Variants in LRRC18 observed in about 807,000 individuals in gnomAD.
LRRC18 encodes the protein leucine-rich repeat-containing protein 18.
A neutral mutation model predicts 11.2 loss-of-function variants in LRRC18; 12 were observed. The observed-to-expected ratio is 1.07, with a 90% CI of 0.69 to 1.74. LRRC18 has a LOEUF of 1.74. Among genes scored for constraint, LRRC18 ranks in the 40% most tolerant of loss-of-function variants. The probability of loss-of-function intolerance (pLI) is 0.00; values close to 1 mark genes in which losing one functional copy is unlikely to be tolerated. For missense variants in LRRC18, 374 were observed against 330.5 expected (o/e 1.13, Z -1.02); for synonymous variants, 155 against 130.6 (o/e 1.19, Z -1.27).
chr10:48,915,958 G>T (rs925182855), upstream of LRRC18, among the ~76,000 whole-genome samples: 1 of 152,192 alleles, frequency 6.6e-6, no homozygotes, highest in African/African-American at 2.4e-5. Flanking sequence ...TCAGCTCTGA[G>T]AAACCAGATA....
chr10:48,924,551 TC>T, the LRRC18 span, among the ~76,000 whole-genome samples: 1 of 152,234 alleles, frequency 6.6e-6, no homozygotes, highest in South Asian at 2.1e-4. Flanking sequence ...AGATTTCATT[TC>T]ACATGAACAG....
At chr10:48,938,561 G>A in the LRRC18 span, among the ~76,000 whole-genome samples, 13 of 152,230 alleles carry the variant, frequency 8.5e-5, no homozygotes, top group Admixed American at 7.9e-4. Context: ...TGGTTTCAGG[G>A]TAGGGTGGAG....
the LRRC18 span, among the ~76,000 whole-genome samples, chr10:48,937,082 C>T: frequency 2.0e-5 from 3 of 151,838 alleles, no homozygotes; most frequent in Admixed American, 6.6e-5. Flanking sequence ...TTAGTAGAGA[C>T]GAGGTTTTTC....
At chr10:48,917,472 T>A (rs1384027382), upstream of LRRC18, among the ~76,000 whole-genome samples, 1 of 151,880 alleles carries the variant, frequency 6.6e-6, no homozygotes, top group Non-Finnish European at 1.5e-5. Flanking sequence ...TGCTCCAAAT[T>A]AAAGAAAAAA....
intron 1 of LRRC18, among the ~76,000 whole-genome samples, chr10:48,911,148 G>A (rs888216780): frequency 2.6e-5 from 4 of 152,172 alleles, no homozygotes; most frequent in African/African-American, 9.7e-5. Flanking sequence ...GGCTAGCGGT[G>A]GCTCCTATAC....
chr10:48,921,623 G>T, the LRRC18 span, among the ~76,000 whole-genome samples: 1 of 151,884 alleles, frequency 6.6e-6, no homozygotes, highest in Non-Finnish European at 1.5e-5. Flanking sequence ...AAAACGTTGA[G>T]CATGAAAAGA....
At position 48,913,375 on chromosome 10, in the gene LRRC18, G is replaced by A. The variant is rs1244432558; in HGVS notation, c.764+17C>T. ...CTCTCTCTTTCCCTTCTGCCTCAGG[G>A]TCAGGTTCCAAGTCACCTCCAGTCT... On this transcript the variant is annotated intron_variant, in intron 1 of 1. Coordinates refer to ENST00000374160, the Ensembl canonical transcript of LRRC18. 7.5e-6 allele frequency: 12 copies of A among 1,603,226 alleles called. No individual in the cohort carries two copies. Among genetic ancestry groups the A allele is most frequent in the Non-Finnish European group, 8.5e-6 (10 of 1,175,890 alleles).
At chr10:48,916,871 ATGTGTGTGTG>A (rs55891907), upstream of LRRC18, among the ~76,000 whole-genome samples, 2,076 of 149,364 alleles carry the variant, frequency 0.014, 26 homozygotes, top group African/African-American at 0.033. Flanking sequence ...CTTTAAAAAT[ATGTGTGTGTG>A]TGTGTGTGTG....
At chr10:48,911,281 T>C (rs936785773) in intron 1 of LRRC18, among the ~76,000 whole-genome samples, 3 of 152,316 alleles carry the variant, frequency 2.0e-5, no homozygotes, top group Middle Eastern at 3.4e-3. Flanking sequence ...CAGTGCTTAG[T>C]GCTGGCAAGG....
At chr10:48,930,260 G>A in the LRRC18 span, among the ~76,000 whole-genome samples, 3 of 152,190 alleles carry the variant, frequency 2.0e-5, no homozygotes, top group African/African-American at 7.2e-5. Context: ...TACATGTACT[G>A]TTGAAGGATT....
chr10:48,935,226 C>T, the LRRC18 span: 1 of 152,434 alleles, frequency 6.6e-6, no homozygotes, highest in South Asian at 2.1e-4. Flanking sequence ...TGTCACCAGG[C>T]AACAAGAGAC....
At chr10:48,923,892 G>A in the LRRC18 span, among the ~76,000 whole-genome samples, 1 of 152,198 alleles carries the variant, frequency 6.6e-6, no homozygotes, top group East Asian at 1.9e-4. Flanking sequence ...ACAGGAAGGG[G>A]TGCTTCCAGC....
At chr10:48,936,918 C>T in the LRRC18 span, among the ~76,000 whole-genome samples, 4 of 139,610 alleles carry the variant, frequency 2.9e-5, no homozygotes, top group Admixed American at 3.0e-4. Context: ...ATTGTATAAA[C>T]TTCAGGTTTT....
the LRRC18 span, among the ~76,000 whole-genome samples, chr10:48,926,513 A>C: frequency 2.1e-3 from 321 of 152,332 alleles, 2 homozygotes; most frequent in African/African-American, 7.4e-3. Context: ...AAGTCCCTGC[A>C]GAGGTTCAGT....
At chr10:48,919,008 C>T (rs2671699), upstream of LRRC18, among the ~76,000 whole-genome samples, 50,721 of 151,974 alleles carry the variant, frequency 0.33, 8,970 homozygotes, top group Non-Finnish European at 0.39. Context: ...TACCTAGCAA[C>T]TGCAGAATAC....
At chr10:48,936,551 A>G in the LRRC18 span, among the ~76,000 whole-genome samples, 1 of 152,134 alleles carries the variant, frequency 6.6e-6, no homozygotes, top group African/African-American at 2.4e-5. Flanking sequence ...AATTAAAAGC[A>G]CTCAGGCCAG....
chr10:48,911,028 C>G, intron 1 of LRRC18: 1 of 393,770 alleles, frequency 2.5e-6, no homozygotes, highest in Non-Finnish European at 3.5e-6. Context: ...CTATCCGGCA[C>G]TGTCTGTCTC....
the LRRC18 span, among the ~76,000 whole-genome samples, chr10:48,938,683 T>C: frequency 2.0e-5 from 3 of 152,190 alleles, no homozygotes; most frequent in Non-Finnish European, 4.4e-5. Flanking sequence ...TAAGGCCACA[T>C]GGCAGTAGCG....
intron 1 of LRRC18, among the ~76,000 whole-genome samples, chr10:48,911,649 C>T (rs1422651208): frequency 2.0e-5 from 3 of 152,206 alleles, no homozygotes; most frequent in African/African-American, 7.2e-5. Context: ...GACAGGAATG[C>T]TATAATTTTA....
Sources: gnomAD v4.1 joint callset for allele counts (sites outside exome capture counted in the v4.1 genomes callset) on GRCh38, gnomAD v4.1.1 for gene constraint, MANE v1.5 for transcripts, NCBI Gene and HGNC (gene_info 2026-07-23, HGNC 2026-07-21) for gene names.